The following OFD1 variants were observed in gnomAD, a reference collection of about 807,000 sequenced individuals.
OFD1 encodes OFD1 centriole and centriolar satellite protein, also known as centriole and centriolar satellite protein OFD1.
Under a neutral mutation model 81.4 loss-of-function variants are expected in OFD1, and 12 were observed. That is an observed-to-expected ratio of 0.15 (90% CI 0.09 to 0.24). The LOEUF is 0.24. Ranked by LOEUF, OFD1 falls within the 10% of genes least tolerant of loss-of-function variation. The pLI is 1.00. For missense variants in OFD1, 685 were observed against 733.9 expected, an observed-to-expected ratio of 0.93 and a Z score of 0.77; for synonymous variants, 256 against 263.7, an observed-to-expected ratio of 0.97 and a Z score of 0.28.
intron 1 of OFD1, 42 bp downstream of exon 1, chrX:13,735,125 T>C (rs771374804): frequency 1.7e-6 from 2 of 1,206,863 alleles, no homozygotes; most frequent in African/African-American, 3.5e-5. Context: ...TAAAGTCTTG[T>C]TTTGTGTTCG....
chrX:13,767,404 A>T, intron 20 of OFD1, 120 bp downstream of exon 20: 6 of 682,880 alleles, frequency 8.8e-6, no homozygotes, highest in Non-Finnish European at 1.4e-5. Context: ...CAGATGCCTT[A>T]AAAGGCATCC....
chrX:13,723,617 G>A, the OFD1 span, among the ~76,000 whole-genome samples: 3 of 112,051 alleles, frequency 2.7e-5, no homozygotes, highest in East Asian at 8.4e-4. Flanking sequence ...TGTATGTATG[G>A]TCTGCTCGAT....
At chrX:13,721,147 G>A in the OFD1 span, 2 of 111,688 alleles carry the variant, frequency 1.8e-5, no homozygotes, top group South Asian at 7.5e-4. Context: ...TGATGGATGG[G>A]TGGGGGCATG....
At chrX:13,766,950 G>A (rs961613919) in intron 19 of OFD1, among the ~76,000 whole-genome samples, 177 bp from the exon 20 acceptor site, 27 of 110,975 alleles carry the variant, frequency 2.4e-4, no homozygotes, top group Non-Finnish European at 1.3e-4. Context: ...AGTTCAAGGA[G>A]TGGGGTCGGG....
At chrX:13,767,918 C>T (rs2048193236) in intron 20 of OFD1, 136 bp from the exon 21 acceptor site, 3 of 580,118 alleles carry the variant, frequency 5.2e-6, no homozygotes, top group Non-Finnish European at 8.2e-6. Context: ...ATAGCAATGA[C>T]TTCAATTTTA....
chrX:13,728,904 C>T, the OFD1 span, among the ~76,000 whole-genome samples: 11 of 112,133 alleles, frequency 9.8e-5, no homozygotes, highest in Admixed American at 9.4e-5. Context: ...TCAGCAAAGT[C>T]GCAGGATACA....
At chrX:13,760,960 A>G (rs929536995) in intron 16 of OFD1, 125 bp from the exon 17 acceptor site, 28 of 901,021 alleles carry the variant, frequency 3.1e-5, no homozygotes, top group Non-Finnish European at 3.9e-5. Flanking sequence ...GATCTTATGC[A>G]TCATAATTGG....
At chrX:13,745,655 C>T (rs1450754346) in intron 6 of OFD1, among the ~76,000 whole-genome samples, 5 of 112,064 alleles carry the variant, frequency 4.5e-5, no homozygotes, top group Non-Finnish European at 9.4e-5. Flanking sequence ...CCCCTCTGTG[C>T]ATACTTTTTG....
the OFD1 span, among the ~76,000 whole-genome samples, chrX:13,727,221 G>A: frequency 1.8e-5 from 2 of 111,840 alleles, no homozygotes; most frequent in African/African-American, 6.5e-5. Flanking sequence ...GGATATCCAG[G>A]ACTTGAACTC....
chrX:13,742,990 A>G (rs2047167916), intron 5 of OFD1, among the ~76,000 whole-genome samples: 1 of 112,126 alleles, frequency 8.9e-6, no homozygotes, highest in South Asian at 3.7e-4. Context: ...GGGTGGGGGA[A>G]AAGGTGCTGA....
rs1273056528 is a variant in OFD1, at chrX:13,746,801, G to A, written c.676G>A (p.Glu226Lys). The change falls in exon 8 of 23, where the codon GAG becomes AAG. Residue 226 changes from glutamate (E) to lysine (K), a missense_variant. By Grantham distance (56) the Glu-to-Lys change is moderately conservative. Coordinates refer to ENST00000340096, the MANE Select transcript of OFD1 (RefSeq NM_003611.3). ...GCAGTTGAAGTTTTTTAAAGATACCGAGATAGCAAAAATTAAAATGGAAGC... is the reference window on the plus strand; with the variant it reads ...GCAGTTGAAGTTTTTTAAAGATACCAAGATAGCAAAAATTAAAATGGAAGC... The part of the protein sequence containing the change: ...CQKLKFFKDT[E>K]IAKIKMEAKK... 5 of 1,200,957 alleles carry A rather than the reference G, an allele frequency of 4.2e-6. No homozygotes were observed. In the Admixed American group the frequency reaches 6.6e-5, roughly 16 times the overall value.
At chrX:13,722,625 A>G in the OFD1 span, among the ~76,000 whole-genome samples, 1 of 111,862 alleles carries the variant, frequency 8.9e-6, no homozygotes, top group Non-Finnish European at 1.9e-5. Context: ...AACAGCTGCA[A>G]ACACTTAGCA....
At chrX:13,746,020 T>C (rs2047281444) in intron 6 of OFD1, among the ~76,000 whole-genome samples, 1 of 112,449 alleles carries the variant, frequency 8.9e-6, no homozygotes, top group South Asian at 3.7e-4. Context: ...CTTGGCTTTC[T>C]TTTTCCTCTA....
chrX:13,740,110 C>A lies in OFD1; in HGVS notation c.412+1078C>A, dbSNP rs760537425. 349 of 958,384 alleles carry A rather than the reference C, an allele frequency of 3.6e-4. 2 individuals are homozygous for A. In the South Asian group the frequency reaches 3.9e-3, roughly 11 times the overall value. The allele number at this position is 958,384 out of a possible 1,213,427, so 79.0% of individuals were successfully genotyped here. A position where few individuals can be genotyped will look rare whatever the true frequency, so the allele number is the denominator to read the frequency against. On this transcript the variant is annotated intron_variant, in intron 5 of 22. Transcript: ENST00000340096. Reference sequence around the variant, plus strand: ...CCAGCCATTAAGTCTGTGACTTAATCGCCAAGTCTCTTGGTAGTAATGTTA... The same window carrying A: ...CCAGCCATTAAGTCTGTGACTTAATAGCCAAGTCTCTTGGTAGTAATGTTA...
rs768154795 is a variant in OFD1, at chrX:13,739,957, C to G, written c.412+925C>G. The G allele has an allele frequency of 1.5e-4, 136 of 884,594 alleles. No homozygotes were observed. In the African/African-American group the frequency reaches 2.7e-3, roughly 18 times the overall value. 72.9% of individuals were successfully genotyped at this position (884,594 alleles called of 1,213,427 possible). A position where few individuals can be genotyped will look rare whatever the true frequency, so the allele number is the denominator to read the frequency against. ...TTAAAATAATCTGTTAGTAATAGTCCTTTTGTGTTGGTACACCCTTGGATT... is the reference window on the plus strand; with the variant it reads ...TTAAAATAATCTGTTAGTAATAGTCGTTTTGTGTTGGTACACCCTTGGATT... On this transcript the variant is annotated intron_variant, in intron 5 of 22. Transcript: ENST00000340096.
Position 13,763,858 on chromosome X carries a change from A to G in OFD1, c.2599+3A>G. On this transcript the variant is annotated splice_donor_region_variant and intron_variant, in intron 19 of 22. Transcript: ENST00000340096. The stretch of plus-strand genomic sequence containing the variant: ...GCCCCTCTCATATCAGCACCCAAGT[A>G]AGTTCTTTTTTTGAACTAACAGTCA... 3 of 1,191,111 alleles carry G rather than the reference A, an allele frequency of 2.5e-6. No homozygotes were observed. Among genetic ancestry groups the G allele is most frequent in the Non-Finnish European group, 3.4e-6 (3 of 877,106 alleles).
chrX:13,750,708 C>T (rs1438975242), intron 9 of OFD1, among the ~76,000 whole-genome samples: 2 of 112,078 alleles, frequency 1.8e-5, no homozygotes, highest in African/African-American at 3.2e-5. Context: ...AACACTTGGG[C>T]TCAAGCAATC....
At chrX:13,755,611 A>G (rs754060390) in intron 12 of OFD1, among the ~76,000 whole-genome samples, 3 of 112,146 alleles carry the variant, frequency 2.7e-5, no homozygotes, top group African/African-American at 9.7e-5. Flanking sequence ...GCAGGTGGCC[A>G]TTACTATTAG....
In OFD1 at chrX:13,769,096, C is replaced by G. The variant is rs758646234; in HGVS notation, c.3027C>G (p.Asp1009Glu). Reference sequence around the variant, plus strand: ...CAGGCTTTTCTCATGAAGAACTAGACGACTCTTGGTAACCATGTTTGCTGC... The same window carrying G: ...CAGGCTTTTCTCATGAAGAACTAGAGGACTCTTGGTAACCATGTTTGCTGC... Reference protein sequence around the residue: ...SLTGFSHEELDDSW With the variant: ...SLTGFSHEELEDSW The change falls in exon 23 of 23, where the codon GAC (aspartate) becomes GAG (glutamate). Residue 1009 changes from aspartate to glutamate, a missense_variant. Around this residue, in one of 3 missense-constraint regions of OFD1, gnomAD observed 259 missense variants for 254.4 expected, o/e 1.02. Coordinates refer to ENST00000340096, the MANE Select transcript of OFD1 (RefSeq NM_003611.3). 1.6e-5 allele frequency: 19 copies of G among 1,193,244 alleles called. No individual in the cohort carries two copies. The highest frequency in any genetic ancestry group is 1.2e-4 in the East Asian group (4 of 33,725).
Sources: allele counts gnomAD v4.1 joint callset (sites outside exome capture counted in the v4.1 genomes callset), GRCh38; gene constraint gnomAD v4.1.1; regional missense constraint gnomAD v4.1.1; transcripts MANE v1.5; gene names NCBI Gene and HGNC (gene_info 2026-07-23, HGNC 2026-07-21).